KRCC1: variants seen among roughly 807,000 people sequenced by gnomAD.
The protein encoded by KRCC1 is lysine-rich coiled-coil protein 1.
In KRCC1, 3 loss-of-function variants were observed where a neutral mutation model predicts 7.4. That is an observed-to-expected ratio of 0.40 (90% CI 0.18 to 1.04). The LOEUF (loss-of-function observed/expected upper bound fraction) is 1.04. Among genes scored for constraint, KRCC1 ranks in the 50% least tolerant of loss-of-function variants. KRCC1 has a pLI of 0.33. For synonymous variants in KRCC1, 102 were observed against 101.6 expected (o/e 1.00, Z -0.02); for missense variants, 277 against 300.9 (o/e 0.92, Z 0.59).
intron 1 of KRCC1, among the ~76,000 whole-genome samples, chr2:88,039,632 G>A (rs927594255): frequency 2.6e-5 from 4 of 152,112 alleles, no homozygotes; most frequent in African/African-American, 7.2e-5. Context: ...AAGGTGCAGT[G>A]AGCCAAGATT....
intron 1 of KRCC1, among the ~76,000 whole-genome samples, chr2:88,043,375 T>C (rs1673253869): frequency 6.6e-6 from 1 of 152,208 alleles, no homozygotes; most frequent in Non-Finnish European, 1.5e-5. Context: ...CTGAATAAAT[T>C]ATGCCAATTA....
intron 1 of KRCC1, among the ~76,000 whole-genome samples, chr2:88,040,853 G>A (rs1573079874): frequency 6.6e-6 from 1 of 152,260 alleles, no homozygotes; most frequent in East Asian, 1.9e-4. Context: ...AATAGATTCT[G>A]AATGGACACT....
chr2:88,043,629 C>T (rs1175471989), intron 1 of KRCC1, among the ~76,000 whole-genome samples: 1 of 152,214 alleles, frequency 6.6e-6, no homozygotes, highest in Non-Finnish European at 1.5e-5. Context: ...TTTACAGCAT[C>T]GCCCTTACAA....
chr2:88,049,335 T>G (rs1319830452), intron 1 of KRCC1, among the ~76,000 whole-genome samples: 2 of 152,204 alleles, frequency 1.3e-5, no homozygotes, highest in Non-Finnish European at 2.9e-5. Context: ...CATGCGCCAT[T>G]CCTTCTAATG....
intron 1 of KRCC1, among the ~76,000 whole-genome samples, chr2:88,043,946 A>T (rs1673272307): frequency 1.3e-5 from 2 of 152,138 alleles, no homozygotes; most frequent in African/African-American, 4.8e-5. Flanking sequence ...AAGTGCTGGG[A>T]TTACAGGCAT....
intron 1 of KRCC1, among the ~76,000 whole-genome samples, chr2:88,043,083 T>C (rs971538256): frequency 6.6e-6 from 1 of 152,224 alleles, no homozygotes; most frequent in African/African-American, 2.4e-5. Context: ...GTCTTATTTT[T>C]CCATTTTGTT....
At chr2:88,052,513 A>G (rs112717579) in intron 1 of KRCC1, among the ~76,000 whole-genome samples, 1 of 105,988 alleles carries the variant, frequency 9.4e-6, no homozygotes, top group Non-Finnish European at 2.5e-5. Flanking sequence ...GGGCAACTGC[A>G]TAAGTGAATA....
intron 3 of KRCC1, among the ~76,000 whole-genome samples, chr2:88,032,166 T>C (rs1261000928): frequency 1.3e-5 from 2 of 151,978 alleles, no homozygotes; most frequent in African/African-American, 2.4e-5. Flanking sequence ...AATTAATTAA[T>C]TTAATGTAGC....
chr2:88,039,371 G>T (rs890869478), intron 1 of KRCC1, among the ~76,000 whole-genome samples: 2 of 152,146 alleles, frequency 1.3e-5, no homozygotes, highest in African/African-American at 4.8e-5. Flanking sequence ...AAACATTTTA[G>T]AAAGGACTTG....
At position 88,028,397 on chromosome 2, in the gene KRCC1, T is replaced by C. The variant is rs967231878; in HGVS notation, c.167A>G (p.Tyr56Cys). 8 of 1,614,174 alleles carry C rather than the reference T, an allele frequency of 5.0e-6. No individual in the cohort carries two copies. In the South Asian group the frequency reaches 6.6e-5, roughly 13 times the overall value. ...TGGGAGTCTCTGGTCAAACATTCTATACGTGGGTCTGGAATTAACCTCTCC... is the reference window on the plus strand; with the variant it reads ...TGGGAGTCTCTGGTCAAACATTCTACACGTGGGTCTGGAATTAACCTCTCC... ...YKGEVNSRPTYRMFDQRLPSE... is the reference protein window; with the variant it reads ...YKGEVNSRPTCRMFDQRLPSE... Residue 56 changes from tyrosine to cysteine, a missense_variant, in exon 4 of 4, where the codon TAT becomes TGT. Tyr to Cys is a radical substitution (Grantham distance 194). Coordinates refer to ENST00000347055, the MANE Select transcript of KRCC1 (RefSeq NM_016618.3).
chr2:88,047,912 G>A (rs1673378062), intron 1 of KRCC1, among the ~76,000 whole-genome samples: 1 of 152,004 alleles, frequency 6.6e-6, no homozygotes, highest in Non-Finnish European at 1.5e-5. Context: ...ATGCTAATTT[G>A]GTTATATTTT....
rs60827041 is a variant in KRCC1 at position 88,050,924 on chromosome 2, C to CTT, written c.-291+4700_-291+4701dup. On this transcript the variant is annotated intron_variant, in intron 1 of 3. Coordinates refer to ENST00000347055, the MANE Select transcript of KRCC1 (RefSeq NM_016618.3). ...ATGCCTTCTATATCTTCCTTACTTG[C>CTT]TTTTTTTTTTTTTTTTTGAGACAGG... is the stretch of plus-strand genomic sequence containing the variant. Among the ~76,000 whole-genome samples the CTT allele has an allele frequency of 3.0e-3, 377 of 125,388 alleles. 2 individuals are homozygous for CTT. Among genetic ancestry groups the CTT allele is most frequent in the African/African-American group, 8.0e-3 (273 of 34,314 alleles). The allele number at this position is 125,388 out of a possible 152,430, so 82.3% of individuals were successfully genotyped here.
rs111440721 is a variant in KRCC1 at position 88,032,777 on chromosome 2, G to A, written c.-23+1357C>T. On this transcript the variant is annotated intron_variant, in intron 3 of 3. Coordinates refer to ENST00000347055, the MANE Select transcript of KRCC1 (RefSeq NM_016618.3). ...TGACGTGAGTGAATCTCAAAATAAC[G>A]AAAATAATTGTAATTCTTTTTTACT... 8.1e-3 allele frequency among the ~76,000 whole-genome samples: 1,230 copies of A among 152,190 alleles called. 9 individuals are homozygous for A. The highest frequency in any genetic ancestry group is 0.013 in the Non-Finnish European group (894 of 67,992).
chr2:88,050,305 G>A (rs1318812390), intron 1 of KRCC1, among the ~76,000 whole-genome samples: 1 of 152,152 alleles, frequency 6.6e-6, no homozygotes, highest in Non-Finnish European at 1.5e-5. Context: ...CCAAAACCGA[G>A]TCAATTTTTT....
intron 1 of KRCC1, among the ~76,000 whole-genome samples, chr2:88,051,143 T>A (rs1673474792): frequency 6.6e-6 from 1 of 152,078 alleles, no homozygotes. Flanking sequence ...CCAAGCTGAT[T>A]TCAAACTCCT....
At chr2:88,052,279 T>C (rs530308484) in intron 1 of KRCC1, among the ~76,000 whole-genome samples, 1 of 152,364 alleles carries the variant, frequency 6.6e-6, no homozygotes, top group East Asian at 1.9e-4. Flanking sequence ...TCATGTCCAA[T>C]ACTGGAAGTG....
intron 3 of KRCC1, among the ~76,000 whole-genome samples, chr2:88,033,886 G>T (rs1673041966): frequency 6.6e-6 from 1 of 152,144 alleles, no homozygotes; most frequent in African/African-American, 2.4e-5. Context: ...GTAAACAAAT[G>T]TTCACAGCAG....
At chr2:88,042,327 T>G (rs1036809931) in intron 1 of KRCC1, among the ~76,000 whole-genome samples, 7 of 152,210 alleles carry the variant, frequency 4.6e-5, no homozygotes, top group African/African-American at 1.7e-4. Flanking sequence ...CCCAAAGTCC[T>G]GGGATTACAG....
intron 1 of KRCC1, among the ~76,000 whole-genome samples, chr2:88,048,228 G>A (rs1673387654): frequency 6.6e-6 from 1 of 151,836 alleles, no homozygotes; most frequent in Admixed American, 6.6e-5. Context: ...GATTACAGGC[G>A]TGCGCTACCA....
Sources: gnomAD v4.1 joint callset for allele counts (sites outside exome capture counted in the v4.1 genomes callset) on GRCh38, gnomAD v4.1.1 for gene constraint, MANE v1.5 for transcripts, NCBI Gene and HGNC (gene_info 2026-07-23, HGNC 2026-07-21) for gene names.